Variants in HPSE2 observed in about 807,000 individuals in gnomAD.
The protein encoded by HPSE2 is heparanase 2 (inactive), also known as inactive heparanase-2.
HPSE2 carries 38 observed loss-of-function variants against 60.5 expected under a neutral mutation model. That is an observed-to-expected ratio of 0.63 (90% CI 0.48 to 0.82). HPSE2 has a LOEUF of 0.82. Among genes scored for constraint, HPSE2 ranks in the 40% least tolerant of loss-of-function variants. The probability of loss-of-function intolerance (pLI) is 0.00; values close to 1 mark genes in which losing one functional copy is unlikely to be tolerated. For missense variants in HPSE2, 713 were observed against 740.4 expected (o/e 0.96, Z 0.43); for synonymous variants, 295 against 293.2 (o/e 1.01, Z -0.06).
At chr10:98,773,638 C>G (rs968297579) in intron 3 of HPSE2, among the ~76,000 whole-genome samples, 1 of 152,148 alleles carries the variant, frequency 6.6e-6, no homozygotes, top group African/African-American at 2.4e-5. Flanking sequence ...AGGAAATAAT[C>G]AGAATGGGAT....
intron 6 of HPSE2, among the ~76,000 whole-genome samples, chr10:98,693,271 A>C (rs1948126225): frequency 6.6e-6 from 1 of 152,256 alleles, no homozygotes; most frequent in Admixed American, 6.5e-5. Context: ...CTTCTGGTAC[A>C]AATGCCCTAA....
chr10:98,642,065 C>G, intron 6 of HPSE2, 125 bp from the exon 7 acceptor site: 1 of 797,436 alleles, frequency 1.3e-6, no homozygotes, highest in Admixed American at 1.9e-5. Flanking sequence ...CTCTCATATT[C>G]TAAAAGGTTT....
chr10:98,966,377 G>A (rs1003072446), intron 3 of HPSE2, among the ~76,000 whole-genome samples: 2 of 152,116 alleles, frequency 1.3e-5, no homozygotes, highest in South Asian at 4.1e-4. Context: ...GAGACAGAAA[G>A]GCACTAGAGA....
At chr10:98,877,115 A>G (rs571961466) in intron 3 of HPSE2, among the ~76,000 whole-genome samples, 3 of 152,056 alleles carry the variant, frequency 2.0e-5, no homozygotes, top group African/African-American at 7.2e-5. Context: ...TTCTTTTTAG[A>G]AAATGAATGA....
chr10:98,490,037 T>C lies in HPSE2; in HGVS notation c.1466+14A>G. The C allele has an allele frequency of 1.2e-6, 2 of 1,614,152 alleles. No homozygotes were observed. Among genetic ancestry groups the C allele is most frequent in the Non-Finnish European group, 1.7e-6 (2 of 1,180,004 alleles). On this transcript the variant is annotated intron_variant, in intron 10 of 11. Coordinates refer to ENST00000370552, the MANE Select transcript of HPSE2 (RefSeq NM_021828.5). ...CCCTCAGGTGGCCTTTCTGCCATCTTTCTGAGGACTTACTTGTGGTGGTTT... is the reference window on the plus strand; with the variant it reads ...CCCTCAGGTGGCCTTTCTGCCATCTCTCTGAGGACTTACTTGTGGTGGTTT...
At chr10:99,125,610 C>T (rs1374161868) in intron 3 of HPSE2, among the ~76,000 whole-genome samples, 1 of 152,210 alleles carries the variant, frequency 6.6e-6, no homozygotes, top group African/African-American at 2.4e-5. Context: ...CATGCCACTG[C>T]AAATTCTCCA....
chr10:99,061,717 C>T (rs927053571), intron 3 of HPSE2, among the ~76,000 whole-genome samples: 1 of 152,224 alleles, frequency 6.6e-6, no homozygotes, highest in Non-Finnish European at 1.5e-5. Flanking sequence ...GAGCCCTTGG[C>T]TCTGCCAATT....
intron 3 of HPSE2, among the ~76,000 whole-genome samples, chr10:99,109,459 A>G (rs993783997): frequency 3.4e-4 from 51 of 152,196 alleles, no homozygotes; most frequent in African/African-American, 1.2e-3. Context: ...CAAGCAAACA[A>G]AAGAGTCATT....
intron 3 of HPSE2, among the ~76,000 whole-genome samples, chr10:98,840,235 A>G (rs1173830482): frequency 6.6e-6 from 1 of 152,180 alleles, no homozygotes; most frequent in Middle Eastern, 3.2e-3. Flanking sequence ...GCTGGGCGGG[A>G]TTATATGGTA....
intron 3 of HPSE2, among the ~76,000 whole-genome samples, chr10:99,018,345 G>A (rs1000992360): frequency 2.0e-5 from 3 of 152,176 alleles, no homozygotes; most frequent in Non-Finnish European, 4.4e-5. Context: ...TGCCTAGAAA[G>A]AGCAGTTGGA....
intron 3 of HPSE2, among the ~76,000 whole-genome samples, chr10:98,977,307 A>G (rs1956107637): frequency 6.6e-6 from 1 of 152,198 alleles, no homozygotes; most frequent in Non-Finnish European, 1.5e-5. Flanking sequence ...TTGGAAAATA[A>G]AAGTGGAAAT....
chr10:99,091,001 T>C (rs182650004), intron 3 of HPSE2, among the ~76,000 whole-genome samples: 13 of 152,244 alleles, frequency 8.5e-5, no homozygotes, highest in Admixed American at 7.8e-4. Flanking sequence ...GGCTCTCTCC[T>C]TGAATCCAGA....
intron 4 of HPSE2, among the ~76,000 whole-genome samples, chr10:98,724,565 T>G (rs1376847815): frequency 2.6e-5 from 4 of 152,218 alleles, no homozygotes; most frequent in South Asian, 2.1e-4. Flanking sequence ...TGACAGTGGG[T>G]TGTTAAAGTC....
At chr10:99,050,229 G>A (rs1211952671) in intron 3 of HPSE2, among the ~76,000 whole-genome samples, 3 of 152,122 alleles carry the variant, frequency 2.0e-5, no homozygotes, top group Non-Finnish European at 2.9e-5. Flanking sequence ...CTGAGCCCAG[G>A]AGTCTGAGGC....
chr10:98,859,295 A>G (rs1402556000), intron 3 of HPSE2, among the ~76,000 whole-genome samples: 1 of 152,188 alleles, frequency 6.6e-6, no homozygotes, highest in African/African-American at 2.4e-5. Context: ...CTGGCCCTTT[A>G]CATTAAAAGT....
intron 9 of HPSE2, among the ~76,000 whole-genome samples, chr10:98,600,901 A>ATGTGTGTGTGTATATATGTG (rs1554950522): frequency 2.3e-4 from 22 of 95,850 alleles, no homozygotes; most frequent in African/African-American, 1.1e-3. Context: ...ACGTATATAT[A>ATGTGTGTGTGTATATATGTG]TGTGTGTGTG....
chr10:99,284,694 T>G, the HPSE2 span, among the ~76,000 whole-genome samples: 1 of 152,214 alleles, frequency 6.6e-6, no homozygotes, highest in Non-Finnish European at 1.5e-5. Context: ...TTTGGGTTTT[T>G]TAACTTTCAT....
chr10:99,175,468 G>A (rs769073234), intron 2 of HPSE2, among the ~76,000 whole-genome samples: 25 of 152,198 alleles, frequency 1.6e-4, no homozygotes, highest in Non-Finnish European at 1.9e-4. Context: ...GGCTTGAGTA[G>A]GTGGTTTTCC....
intron 3 of HPSE2, among the ~76,000 whole-genome samples, chr10:99,020,762 C>T (rs779929449): frequency 2.6e-5 from 4 of 152,058 alleles, no homozygotes; most frequent in African/African-American, 4.8e-5. Context: ...TTTCATGATC[C>T]CTACCCACAG....
Sources: allele counts gnomAD v4.1 joint callset (sites outside exome capture counted in the v4.1 genomes callset), GRCh38; gene constraint gnomAD v4.1.1; transcripts MANE v1.5; gene names NCBI Gene and HGNC (gene_info 2026-07-23, HGNC 2026-07-21).